SOX5: variants seen among roughly 807,000 people sequenced by gnomAD.
The protein encoded by SOX5 is transcription factor SOX-5.
A neutral mutation model predicts 92.0 loss-of-function variants in SOX5; 9 were observed. The observed-to-expected ratio is 0.10, with a 90% CI of 0.06 to 0.17. The LOEUF (loss-of-function observed/expected upper bound fraction) is 0.17, where lower values mean the gene tolerates loss of function less well. SOX5 is among the 10% of genes least tolerant of loss of function. The probability of loss-of-function intolerance (pLI) is 1.00; values close to 1 mark genes in which losing one functional copy is unlikely to be tolerated. For synonymous variants in SOX5, 344 were observed against 336.3 expected (o/e 1.02, Z -0.25); for missense variants, 642 against 944.5 (o/e 0.68, Z 4.20).
intron 14 of SOX5, among the ~76,000 whole-genome samples, chr12:23,535,558 G>A (rs1222704939): frequency 6.6e-6 from 1 of 152,166 alleles, no homozygotes; most frequent in African/African-American, 2.4e-5. Context: ...GTGCATTTAT[G>A]CTTGTTTTTA....
intron 4 of SOX5, among the ~76,000 whole-genome samples, chr12:24,036,274 T>C (rs1956026697): frequency 6.6e-6 from 1 of 152,118 alleles, no homozygotes; most frequent in Non-Finnish European, 1.5e-5. Context: ...AGTGAGCCAT[T>C]GCCCAGTGCC....
At chr12:23,879,735 A>G (rs1166743423) in intron 2 of SOX5, among the ~76,000 whole-genome samples, 1 of 152,214 alleles carries the variant, frequency 6.6e-6, no homozygotes, top group Non-Finnish European at 1.5e-5. Context: ...CACTTGTTTC[A>G]TATACCTCAC....
chr12:23,726,147 GAGAGAGAGAGAGAGAGAGAGAGAGAGA>G (rs2093112632), intron 6 of SOX5, among the ~76,000 whole-genome samples: 2 of 27,694 alleles, frequency 7.2e-5, no homozygotes, highest in African/African-American at 1.6e-4. Flanking sequence ...GAGAGAGAGA[GAGAGAGAGAGAGAGAGAGAGAGAGAGA>G]GGTCAGTTTC....
At chr12:24,408,593 A>G (rs1010825795) in intron 1 of SOX5, among the ~76,000 whole-genome samples, 5 of 152,212 alleles carry the variant, frequency 3.3e-5, no homozygotes, top group Admixed American at 1.3e-4. Context: ...TTCAGTTTCT[A>G]TAATTTCTTC....
intron 1 of SOX5, among the ~76,000 whole-genome samples, chr12:24,510,620 C>A (rs572051281): frequency 2.0e-5 from 3 of 152,308 alleles, no homozygotes; most frequent in South Asian, 2.1e-4. Context: ...CATGGGCAAG[C>A]TTTTAAAAAA....
intron 7 of SOX5, among the ~76,000 whole-genome samples, chr12:23,655,795 G>T (rs1056685612): frequency 2.0e-5 from 3 of 152,044 alleles, no homozygotes; most frequent in Non-Finnish European, 4.4e-5. Flanking sequence ...ACCTCTAGAA[G>T]TTAATAAATG....
intron 1 of SOX5, among the ~76,000 whole-genome samples, chr12:24,495,255 T>C (rs1947507963): frequency 6.6e-6 from 1 of 152,210 alleles, no homozygotes; most frequent in East Asian, 1.9e-4. Flanking sequence ...CAGCACAGTA[T>C]GGACCAAATA....
intron 1 of SOX5, among the ~76,000 whole-genome samples, chr12:24,538,877 G>C (rs1003681443): frequency 2.6e-5 from 4 of 151,974 alleles, no homozygotes; most frequent in African/African-American, 9.7e-5. Flanking sequence ...AACACGCTGG[G>C]ATTTTGTTTT....
intron 1 of SOX5, among the ~76,000 whole-genome samples, chr12:24,442,592 A>G (rs1235766552): frequency 1.3e-5 from 2 of 152,188 alleles, no homozygotes; most frequent in Non-Finnish European, 2.9e-5. Flanking sequence ...GTTAATGAGA[A>G]AGTCACATTG....
chr12:24,336,576 G>A (rs966187129), intron 2 of SOX5, among the ~76,000 whole-genome samples: 3 of 152,068 alleles, frequency 2.0e-5, no homozygotes, highest in African/African-American at 7.2e-5. Context: ...TCATTCAGGT[G>A]CAACTGAATA....
intron 2 of SOX5, among the ~76,000 whole-genome samples, chr12:24,320,758 G>A (rs1208364599): frequency 1.3e-5 from 2 of 151,724 alleles, no homozygotes; most frequent in Non-Finnish European, 2.9e-5. Context: ...CCAGCTACTC[G>A]GGAGGCTGAG....
intron 4 of SOX5, among the ~76,000 whole-genome samples, chr12:24,047,133 T>A (rs1308118669): frequency 1.3e-5 from 2 of 152,104 alleles, no homozygotes; most frequent in Non-Finnish European, 2.9e-5. Flanking sequence ...GACAGTAGGG[T>A]GACAATCAAA....
At chr12:24,262,388 A>C (rs1366480970) in intron 3 of SOX5, among the ~76,000 whole-genome samples, 1 of 152,184 alleles carries the variant, frequency 6.6e-6, no homozygotes, top group Non-Finnish European at 1.5e-5. Flanking sequence ...AATACCTCCA[A>C]AGAATCACAT....
intron 4 of SOX5, among the ~76,000 whole-genome samples, chr12:24,028,961 C>T (rs759337727): frequency 1.3e-5 from 2 of 151,922 alleles, no homozygotes; most frequent in Non-Finnish European, 2.9e-5. Flanking sequence ...AATAAGTTGG[C>T]GCTGCTTAGA....
chr12:23,675,947 C>A (rs1433322486), intron 6 of SOX5, among the ~76,000 whole-genome samples: 1 of 152,022 alleles, frequency 6.6e-6, no homozygotes, highest in Non-Finnish European at 1.5e-5. Context: ...TGAAATACCA[C>A]GTCATATCTA....
chr12:23,950,997 ACAC>A, upstream of SOX5: 1 of 779,632 alleles, frequency 1.3e-6, no homozygotes, highest in Non-Finnish European at 2.1e-6. Context: ...ACACACACAC[ACAC>A]ACACTCACTC....
intron 3 of SOX5, among the ~76,000 whole-genome samples, chr12:24,226,284 C>T (rs1174817397): frequency 6.6e-6 from 1 of 152,070 alleles, no homozygotes; most frequent in African/African-American, 2.4e-5. Context: ...TTGATTAAGG[C>T]TTATACTTCC....
At chr12:24,193,935 C>T (rs1956764072) in intron 4 of SOX5, among the ~76,000 whole-genome samples, 1 of 151,982 alleles carries the variant, frequency 6.6e-6, no homozygotes, top group Admixed American at 6.6e-5. Context: ...TTCAGCTGTC[C>T]TTGATTGAAA....
chr12:23,911,768 C>T lies in SOX5; in HGVS notation c.39-15744G>A, dbSNP rs117699027. On this transcript the variant is annotated intron_variant, in intron 1 of 14. Coordinates refer to ENST00000451604, the MANE Select transcript of SOX5 (RefSeq NM_006940.6). ...AACAGTGACTGTTCTAGGTGCTTTC[C>T]ATGTATTATTTCTGGTCACCAAAAC... Among the ~76,000 whole-genome samples, 33 of 152,120 alleles carry T rather than the reference C, an allele frequency of 2.2e-4. No individual in the cohort carries two copies. In the East Asian group the frequency reaches 6.4e-3, roughly 29 times the overall value.
Sources: gnomAD v4.1 joint callset for allele counts (sites outside exome capture counted in the v4.1 genomes callset) on GRCh38, gnomAD v4.1.1 for gene constraint, MANE v1.5 for transcripts, NCBI Gene and HGNC (gene_info 2026-07-23, HGNC 2026-07-21) for gene names.